PKHD1: variants seen among roughly 807,000 people sequenced by gnomAD.
PKHD1 encodes the protein PKHD1 ciliary IPT domain containing fibrocystin/polyductin.
In PKHD1, 291 loss-of-function variants were observed where a neutral mutation model predicts 412.0. That is an observed-to-expected ratio of 0.71 (90% CI 0.64 to 0.78). PKHD1 has a LOEUF of 0.78. Ranked by LOEUF, PKHD1 falls within the 30% of genes least tolerant of loss-of-function variation. The probability of loss-of-function intolerance (pLI) is 0.00; values close to 1 mark genes in which losing one functional copy is unlikely to be tolerated. For missense variants in PKHD1, 4,825 were observed against 4,950.7 expected (o/e 0.97, Z 0.76); for synonymous variants, 1,777 against 1,821.5 (o/e 0.98, Z 0.62).
intron 48 of PKHD1, among the ~76,000 whole-genome samples, chr6:51,856,394 A>ATGC (rs897808547): frequency 1.3e-5 from 2 of 152,140 alleles, no homozygotes; most frequent in Admixed American, 1.3e-4. Flanking sequence ...CTGGAGTGCA[A>ATGC]TGCGCAGTCT....
chr6:51,770,788 T>C (rs888377333), intron 55 of PKHD1, among the ~76,000 whole-genome samples: 4 of 152,112 alleles, frequency 2.6e-5, no homozygotes, highest in Admixed American at 2.0e-4. Context: ...TATCTGATAA[T>C]TTTGAATGGT....
intron 37 of PKHD1, among the ~76,000 whole-genome samples, chr6:51,919,738 A>G: frequency 6.6e-6 from 1 of 152,080 alleles, no homozygotes; most frequent in Non-Finnish European, 1.5e-5. Context: ...CATTTTCACG[A>G]TATTGATTCT....
chr6:52,085,038 C>CAA, intron 1 of PKHD1, 21 bp from the exon 2 acceptor site: 1 of 788,934 alleles, frequency 1.3e-6, no homozygotes, highest in South Asian at 1.5e-5. Context: ...ACAAAAAAAG[C>CAA]AAAAAAAAAT....
In PKHD1 at chr6:52,053,230, G is replaced by T. The variant is rs1807158604; in HGVS notation, c.1986C>A (p.Asp662Glu). ...AGCAACGCACACAAGTCTCCCAGAG[G>T]TCAGTGCAATCGAACTGCCAGCTGA... is the stretch of plus-strand genomic sequence containing the variant. ...SPESWQFDCT[D>E]LWETCVRCFG... The change falls in exon 21 of 67, where the codon GAC becomes GAA. Residue 662 changes from aspartate (D) to glutamate (E), a missense_variant. Coordinates refer to ENST00000371117, the MANE Select transcript of PKHD1 (RefSeq NM_138694.4). The T allele has an allele frequency of 6.2e-7, 1 of 1,614,094 alleles. No individual in the cohort carries two copies. The highest frequency in any genetic ancestry group is 1.3e-5 in the African/African-American group (1 of 74,944).
intron 64 of PKHD1, among the ~76,000 whole-genome samples, chr6:51,633,667 A>G (rs1768196215): frequency 6.6e-6 from 1 of 152,168 alleles, no homozygotes; most frequent in African/African-American, 2.4e-5. Context: ...GTAGGATTCC[A>G]TTTATATAAC....
intron 43 of PKHD1, among the ~76,000 whole-genome samples, chr6:51,895,930 A>G (rs930634545): frequency 6.6e-6 from 1 of 151,872 alleles, no homozygotes; most frequent in Non-Finnish European, 1.5e-5. Flanking sequence ...AAATCGGGTC[A>G]CTCCCACCCG....
At chr6:52,016,309 C>T (rs956497710) in intron 34 of PKHD1, among the ~76,000 whole-genome samples, 1 of 152,074 alleles carries the variant, frequency 6.6e-6, no homozygotes. Flanking sequence ...TCTCTTTCAC[C>T]GTGGGGAAGT....
intron 6 of PKHD1, among the ~76,000 whole-genome samples, 154 bp downstream of exon 6, chr6:52,076,122 C>T (rs1174401152): frequency 6.6e-6 from 1 of 152,118 alleles, no homozygotes; most frequent in Non-Finnish European, 1.5e-5. Context: ...AACCAAAGCA[C>T]GTTAAAAATG....
At chr6:51,830,191 G>A (rs746836912) in intron 52 of PKHD1, among the ~76,000 whole-genome samples, 25 of 152,018 alleles carry the variant, frequency 1.6e-4, no homozygotes, top group Non-Finnish European at 3.2e-4. Context: ...AAATATAATT[G>A]TCCTATGAAA....
chr6:51,802,158 A>AGTATTGGGACTTTTG (rs1763025151), intron 52 of PKHD1, among the ~76,000 whole-genome samples: 1 of 151,908 alleles, frequency 6.6e-6, no homozygotes, highest in African/African-American at 2.4e-5. Flanking sequence ...GACTTCAAAG[A>AGTATTGGGACTTTTG]AATCAGAGTG....
intron 60 of PKHD1, among the ~76,000 whole-genome samples, chr6:51,707,027 A>G (rs1319094843): frequency 6.6e-6 from 1 of 152,170 alleles, no homozygotes; most frequent in Non-Finnish European, 1.5e-5. Flanking sequence ...GATTACTAAA[A>G]CATGTTCACT....
At chr6:51,982,194 C>A (rs1472045252) in intron 35 of PKHD1, among the ~76,000 whole-genome samples, 1 of 33,278 alleles carries the variant, frequency 3.0e-5, no homozygotes, top group Non-Finnish European at 6.8e-5. Context: ...GTGGGGGGGT[C>A]AGCCCCCCGC....
intron 43 of PKHD1, among the ~76,000 whole-genome samples, chr6:51,893,907 C>T (rs1208291677): frequency 6.6e-6 from 1 of 152,162 alleles, no homozygotes; most frequent in East Asian, 1.9e-4. Context: ...ATGCATGTCT[C>T]CAAAGGGCTC....
At chr6:51,687,288 GAA>G (rs76906066) in intron 60 of PKHD1, among the ~76,000 whole-genome samples, 1 of 150,268 alleles carries the variant, frequency 6.7e-6, no homozygotes. Context: ...GATAAAAAAT[GAA>G]AAAAAAAGTT....
intron 60 of PKHD1, among the ~76,000 whole-genome samples, chr6:51,707,719 A>G (rs1287570249): frequency 6.6e-6 from 1 of 152,112 alleles, no homozygotes; most frequent in Non-Finnish European, 1.5e-5. Flanking sequence ...AACTGCTTGT[A>G]TCAAGATTAT....
chr6:52,079,692 T>A (rs1448146657), intron 5 of PKHD1, among the ~76,000 whole-genome samples: 4 of 152,208 alleles, frequency 2.6e-5, no homozygotes, highest in Non-Finnish European at 5.9e-5. Context: ...TCAAATGATG[T>A]ACATAAAGCA....
Position 51,648,126 on chromosome 6 carries a change from T to A in PKHD1, c.11311-8A>T. On this transcript the variant is annotated splice_polypyrimidine_tract_variant and splice_region_variant and intron_variant, in intron 62 of 66. Transcript: ENST00000371117. Reference sequence around the variant, plus strand: ...GGACTCTACTCTTCGATTCTAGAAATGGGAATAGGAGGAGGGAGGAAGAAA... The same window carrying A: ...GGACTCTACTCTTCGATTCTAGAAAAGGGAATAGGAGGAGGGAGGAAGAAA... 1 of 1,516,940 alleles carries A rather than the reference T, an allele frequency of 6.6e-7. No individual in the cohort carries two copies. The highest frequency in any genetic ancestry group is 9.2e-7 in the Non-Finnish European group (1 of 1,091,402). 94.0% of individuals were successfully genotyped at this position (1,516,940 alleles called of 1,614,324 possible). A position where few individuals can be genotyped will look rare whatever the true frequency, so the allele number is the denominator to read the frequency against.
At chr6:52,021,874 C>T (rs1385074758) in intron 33 of PKHD1, among the ~76,000 whole-genome samples, 2 of 152,034 alleles carry the variant, frequency 1.3e-5, no homozygotes, top group African/African-American at 4.8e-5. Context: ...TGATGTGGTG[C>T]TTTTATCATT....
chr6:51,826,735 T>C (rs544628882), intron 52 of PKHD1, among the ~76,000 whole-genome samples: 16 of 152,264 alleles, frequency 1.1e-4, no homozygotes, highest in African/African-American at 3.4e-4. Context: ...GCTTACTCCA[T>C]ATAATACCAC....
Sources: allele counts gnomAD v4.1 joint callset (sites outside exome capture counted in the v4.1 genomes callset), GRCh38; gene constraint gnomAD v4.1.1; transcripts MANE v1.5; gene names NCBI Gene and HGNC (gene_info 2026-07-23, HGNC 2026-07-21).